The following ABCC6 variants were observed in gnomAD, a reference collection of about 807,000 sequenced individuals.
ABCC6 encodes the protein ATP-binding cassette sub-family C member 6.
In ABCC6, 126 loss-of-function variants were observed where a neutral mutation model predicts 169.5. That is an observed-to-expected ratio of 0.74 (90% CI 0.64 to 0.86). ABCC6 has a LOEUF of 0.86. ABCC6 is among the 40% of genes least tolerant of loss of function. The pLI, the probability that ABCC6 is intolerant of heterozygous loss-of-function variation, is 0.00. For missense variants in ABCC6, 1,733 were observed against 1,927.2 expected, an observed-to-expected ratio of 0.90 and a Z score of 1.89; for synonymous variants, 752 against 814.7, an observed-to-expected ratio of 0.92 and a Z score of 1.31.
chr16:16,182,619 G>A, intron 16 of ABCC6, 31 bp from the exon 17 acceptor site: 1 of 1,608,326 alleles, frequency 6.2e-7, no homozygotes. Context: ...GTCACAGGAG[G>A]ATGATGGGGA....
rs63750428 is a variant in ABCC6 at position 16,154,767 on chromosome 16, G to T, written c.4069C>A (p.Arg1357=). Residue 1357 remains arginine (R), a synonymous_variant, in exon 29 of 31, where the codon CGG becomes AGG. Coordinates refer to ENST00000205557, the MANE Select transcript of ABCC6 (RefSeq NM_001171.6). The part of the protein sequence containing the change: ...QDPILFPGSL[R]MNLDLLQEHS... Reference sequence around the variant, plus strand: ...TCCTGCAGCAGGTCGAGGTTCATCCGCAGAGAGCCAGGGAACAGGATGGGG... The same window carrying T: ...TCCTGCAGCAGGTCGAGGTTCATCCTCAGAGAGCCAGGGAACAGGATGGGG... 6.2e-7 allele frequency: 1 copy of T among 1,612,424 alleles called. No homozygotes were observed. The highest frequency in any genetic ancestry group is 1.3e-5 in the African/African-American group (1 of 75,020).
At chr16:16,203,387 G>T (rs1308123042) in intron 8 of ABCC6, 23 bp downstream of exon 8, 3 of 1,613,752 alleles carry the variant, frequency 1.9e-6, no homozygotes, top group Non-Finnish European at 2.5e-6. Flanking sequence ...ACCTTAGCAG[G>T]GCACTTGAGG....
At position 16,165,816 on chromosome 16, in the gene ABCC6, C is replaced by T. The variant is rs371211631; in HGVS notation, c.3113G>A (p.Arg1038Gln). The T allele has an allele frequency of 2.1e-5, 34 of 1,613,488 alleles. No homozygotes were observed. The highest frequency in any genetic ancestry group is 1.5e-4 in the African/African-American group (11 of 74,920). ...GTTTAGCAGGTGACCAATGGGTGTC[C>T]GCTCAAAGAAGCTGATGGGAGATCG... is the stretch of plus-strand genomic sequence containing the variant. Reference protein sequence around the residue: ...VVRSPISFFERTPIGHLLNRF... With the variant: ...VVRSPISFFEQTPIGHLLNRF... Residue 1038 changes from arginine (R) to glutamine (Q), a missense_variant, in exon 23 of 31, where the codon CGG (arginine) becomes CAG (glutamine). Physicochemically the swap from Arg to Gln is conservative, Grantham distance 43. This residue lies in a region of ABCC6 where 1,601 missense variants were observed against 1,635.5 expected (regional missense o/e 0.98). Transcript: ENST00000205557.
chr16:16,160,253 C>A (rs2046672984), intron 25 of ABCC6, among the ~76,000 whole-genome samples: 1 of 152,190 alleles, frequency 6.6e-6, no homozygotes, highest in Non-Finnish European at 1.5e-5. Context: ...CAGCCTCTTA[C>A]TTCATCCTTA....
At chr16:16,150,326 AG>A (rs2152206933) in intron 30 of ABCC6, 85 bp from the exon 31 acceptor site, 2 of 1,593,200 alleles carry the variant, frequency 1.3e-6, no homozygotes, top group Admixed American at 1.8e-5. Context: ...GTCTGCGCTG[AG>A]GTTTTCTCCA....
intron 18 of ABCC6, among the ~76,000 whole-genome samples, chr16:16,177,997 A>C (rs1183429923): frequency 6.7e-6 from 1 of 150,164 alleles, no homozygotes; most frequent in African/African-American, 2.5e-5. Flanking sequence ...GAAACAAAGG[A>C]AGGAAGGAAA....
chr16:16,193,355 C>CCAG (rs2047927774), intron 10 of ABCC6, among the ~76,000 whole-genome samples: 1 of 152,290 alleles, frequency 6.6e-6, no homozygotes, highest in Admixed American at 6.5e-5. Context: ...AATGGGCAAC[C>CCAG]AGCAGCCCTC....
intron 21 of ABCC6, 132 bp from the exon 22 acceptor site, chr16:16,169,985 C>A: frequency 1.1e-6 from 1 of 893,012 alleles, no homozygotes. Context: ...CTCACTGGTT[C>A]TCCCGCTGTG....
At chr16:16,213,491 A>C (rs1443318919) in intron 5 of ABCC6, among the ~76,000 whole-genome samples, 1 of 151,890 alleles carries the variant, frequency 6.6e-6, no homozygotes, top group Non-Finnish European at 1.5e-5. Context: ...ACCTATTGTA[A>C]ATCTCTCAAT....
intron 9 of ABCC6, among the ~76,000 whole-genome samples, chr16:16,201,596 CTGAGACAGATCACT>C (rs2048235936): frequency 6.6e-6 from 1 of 152,084 alleles, no homozygotes; most frequent in African/African-American, 2.4e-5. Context: ...AACTAAGGAG[CTGAGACAGATCACT>C]TGAGGCTAGG....
chr16:16,209,003 A>C, intron 6 of ABCC6, 144 bp from the exon 7 acceptor site: 1 of 772,534 alleles, frequency 1.3e-6, no homozygotes, highest in Non-Finnish European at 2.1e-6. Context: ...AAAGCAATTC[A>C]CTAACCCCAC....
At chr16:16,199,392 C>CTT (rs1279574927) in intron 9 of ABCC6, among the ~76,000 whole-genome samples, 1 of 132,614 alleles carries the variant, frequency 7.5e-6, no homozygotes, top group African/African-American at 2.6e-5. Flanking sequence ...AGTCACAGGC[C>CTT]TTGTAAGCTC....
At chr16:16,206,048 G>A (rs954734008) in intron 7 of ABCC6, among the ~76,000 whole-genome samples, 8 of 152,180 alleles carry the variant, frequency 5.3e-5, no homozygotes, top group Non-Finnish European at 5.9e-5. Flanking sequence ...AAATGGGGTC[G>A]GGGAAGAGTT....
intron 1 of ABCC6, 148 bp from the exon 2 acceptor site, chr16:16,221,979 C>T: frequency 7.0e-6 from 8 of 1,138,258 alleles, no homozygotes; most frequent in Non-Finnish European, 1.0e-5. Context: ...ATTCTCAATT[C>T]CTTTCATCCT....
intron 29 of ABCC6, among the ~76,000 whole-genome samples, chr16:16,154,186 A>G (rs2046469821): frequency 6.6e-6 from 1 of 151,750 alleles, no homozygotes; most frequent in Non-Finnish European, 1.5e-5. Context: ...GGCTCAAGCA[A>G]TCCTCCTCTC....
Position 16,207,281 on chromosome 16 carries a change from G to A in ABCC6, c.794+1447C>T, listed in dbSNP as rs571363263. On this transcript the variant is annotated intron_variant, in intron 7 of 30. Coordinates refer to ENST00000205557, the MANE Select transcript of ABCC6 (RefSeq NM_001171.6). Reference sequence around the variant, plus strand: ...TCATGGCACCAGCCCCCTGGGCATGGGATTGGCCCCTGACAGGCACATGAC... The same window carrying A: ...TCATGGCACCAGCCCCCTGGGCATGAGATTGGCCCCTGACAGGCACATGAC... Among the ~76,000 whole-genome samples the A allele has an allele frequency of 4.6e-5, 7 of 152,364 alleles. No individual in the cohort carries two copies. In the East Asian group the frequency reaches 1.3e-3, roughly 29 times the overall value.
intron 6 of ABCC6, among the ~76,000 whole-genome samples, chr16:16,210,027 G>A (rs1306288945): frequency 6.6e-6 from 1 of 152,150 alleles, no homozygotes; most frequent in Non-Finnish European, 1.5e-5. Flanking sequence ...CACTGTGCCT[G>A]GCCTCAGGTC....
At chr16:16,154,129 C>T (rs2046468663) in intron 29 of ABCC6, among the ~76,000 whole-genome samples, 2 of 151,776 alleles carry the variant, frequency 1.3e-5, no homozygotes, top group Admixed American at 1.3e-4. Flanking sequence ...CTGTTGTCCA[C>T]AGAGATAGGG....
intron 6 of ABCC6, 109 bp from the exon 7 acceptor site, chr16:16,208,968 C>T (rs2048498571): frequency 2.7e-6 from 4 of 1,490,684 alleles, no homozygotes; most frequent in South Asian, 2.3e-5. Context: ...CCTCTCTGTA[C>T]CTCTACTGGC....
Sources: allele counts gnomAD v4.1 joint callset (sites outside exome capture counted in the v4.1 genomes callset), GRCh38; gene constraint gnomAD v4.1.1; regional missense constraint gnomAD v4.1.1; transcripts MANE v1.5; gene names NCBI Gene and HGNC (gene_info 2026-07-23, HGNC 2026-07-21).